PCDHGB2: variants seen among roughly 807,000 people sequenced by gnomAD.
PCDHGB2 encodes protocadherin gamma-B2.
Under a neutral mutation model 59.3 loss-of-function variants are expected in PCDHGB2, and 55 were observed. The observed-to-expected ratio is 0.93, with a 90% CI of 0.75 to 1.16. The LOEUF (loss-of-function observed/expected upper bound fraction) is 1.16, where lower values mean the gene tolerates loss of function less well. Ranked by LOEUF, PCDHGB2 falls within the 50% of genes most tolerant of loss-of-function variation. The pLI is 0.00. For missense variants in PCDHGB2, 1,228 were observed against 1,198.5 expected (o/e 1.02, Z -0.36); for synonymous variants, 516 against 512.0 (o/e 1.01, Z -0.11).
chr5:141,466,984 C>A (rs2099133455), intron 1 of PCDHGB2, among the ~76,000 whole-genome samples: 1 of 151,586 alleles, frequency 6.6e-6, no homozygotes, highest in Non-Finnish European at 1.5e-5. Context: ...CATCATTTAC[C>A]TTTTGGCATT....
intron 1 of PCDHGB2, among the ~76,000 whole-genome samples, chr5:141,456,862 C>T (rs1385304686): frequency 6.6e-6 from 1 of 152,086 alleles, no homozygotes; most frequent in Non-Finnish European, 1.5e-5. Context: ...AATTGGGAGG[C>T]TGAGGCAGGA....
In PCDHGB2 at chr5:141,489,739, G is replaced by A; in HGVS notation, c.2422-5068G>A. On this transcript the variant is annotated intron_variant, in intron 1 of 3. Transcript: ENST00000522605. The surrounding 1 kb of genome is among the most constrained non-coding windows in gnomAD (Gnocchi z 4.5). Reference sequence around the variant, plus strand: ...GGATCCGGATGTGGGCACCAATACTGTGAGCTTTTACACTCTAAGCCCCAA... The same window carrying A: ...GGATCCGGATGTGGGCACCAATACTATGAGCTTTTACACTCTAAGCCCCAA... 3 of 1,614,170 alleles carry A rather than the reference G, an allele frequency of 1.9e-6. No homozygotes were observed. The highest frequency in any genetic ancestry group is 2.2e-5 in the South Asian group (2 of 91,076).
intron 1 of PCDHGB2, chr5:141,390,623 T>C (rs2092193421): frequency 3.8e-6 from 1 of 264,274 alleles, no homozygotes; most frequent in African/African-American, 2.3e-5. Flanking sequence ...TGTTGACTAA[T>C]ATATGATGAA....
At chr5:141,391,312 T>C (rs2092346265) in intron 1 of PCDHGB2, 1 of 151,466 alleles carries the variant, frequency 6.6e-6, no homozygotes, top group African/African-American at 2.4e-5. Flanking sequence ...GATTCTTTTT[T>C]TTTTCTTTTT....
At chr5:141,413,501 G>A (rs772110374) in intron 1 of PCDHGB2, 1 of 1,614,040 alleles carries the variant, frequency 6.2e-7, no homozygotes, top group Non-Finnish European at 8.5e-7. Context: ...TGCGTGGTGA[G>A]TTTTAATATC....
chr5:141,408,801 T>C, intron 1 of PCDHGB2: 1 of 1,613,142 alleles, frequency 6.2e-7, no homozygotes, highest in Admixed American at 1.7e-5. Context: ...GAGAAACTCC[T>C]AGACCGGGAA....
At chr5:141,366,221 G>T (rs774963460) in intron 1 of PCDHGB2, 4 of 1,613,716 alleles carry the variant, frequency 2.5e-6, no homozygotes, top group African/African-American at 2.7e-5. Context: ...CACAGCGCGA[G>T]CCCTGCTGGA....
In PCDHGB2 at chr5:141,489,584, A is replaced by G. The variant is rs775720718; in HGVS notation, c.2422-5223A>G. Reference sequence around the variant, plus strand: ...CAGGTGGTGACTGAACACCCCCTGGAGCTAATCCGTGTAGAGGTAGAGATC... The same window carrying G: ...CAGGTGGTGACTGAACACCCCCTGGGGCTAATCCGTGTAGAGGTAGAGATC... On this transcript the variant is annotated intron_variant, in intron 1 of 3. Coordinates refer to ENST00000522605, the MANE Select transcript of PCDHGB2 (RefSeq NM_018923.3). The surrounding 1 kb of genome is among the most constrained non-coding windows in gnomAD (Gnocchi z 4.5). The G allele has an allele frequency of 6.2e-7, 1 of 1,614,054 alleles. No homozygotes were observed. Among genetic ancestry groups the G allele is most frequent in the South Asian group, 1.1e-5 (1 of 91,078 alleles).
At chr5:141,388,295 C>T (rs766909730) in intron 1 of PCDHGB2, 3 of 1,613,442 alleles carry the variant, frequency 1.9e-6, no homozygotes, top group East Asian at 2.2e-5. Flanking sequence ...CGCAAAATTC[C>T]TTTGAGCTGC....
At chr5:141,422,690 T>C (rs1384522137) in intron 1 of PCDHGB2, 1 of 1,603,790 alleles carries the variant, frequency 6.2e-7, no homozygotes, top group African/African-American at 1.3e-5. Flanking sequence ...AATGCCCTGG[T>C]CACTTACTCT....
chr5:141,403,719 C>T (rs758160960), intron 1 of PCDHGB2: 2 of 1,613,864 alleles, frequency 1.2e-6, no homozygotes, highest in Non-Finnish European at 1.7e-6. Context: ...GAGAACGTGC[C>T]CCCAGGCACC....
intron 1 of PCDHGB2, chr5:141,415,906 A>C (rs2154546200): frequency 1.3e-6 from 1 of 784,990 alleles, no homozygotes; most frequent in East Asian, 3.5e-5. Context: ...ACAGACTTCC[A>C]TACAGAAGTG....
intron 1 of PCDHGB2, chr5:141,395,188 T>C (rs1188356077): frequency 6.2e-7 from 1 of 1,614,128 alleles, no homozygotes; most frequent in East Asian, 2.2e-5. Flanking sequence ...GATTCTTTGT[T>C]AACATCCGTA....
chr5:141,375,013 G>C, intron 1 of PCDHGB2: 2 of 1,614,004 alleles, frequency 1.2e-6, no homozygotes, highest in Non-Finnish European at 1.7e-6. Flanking sequence ...TAGACTATGA[G>C]GACTCGAGTT....
chr5:141,489,229 G>A lies in PCDHGB2; in HGVS notation c.2422-5578G>A, dbSNP rs1188849525. 5.9e-6 allele frequency: 9 copies of A among 1,522,134 alleles called. No homozygotes were observed. In the Admixed American group the frequency reaches 6.4e-5, roughly 11 times the overall value. 94.3% of individuals were successfully genotyped at this position (1,522,134 alleles called of 1,614,324 possible). On this transcript the variant is annotated intron_variant, in intron 1 of 3. Transcript: ENST00000522605. The surrounding 1 kb of genome is among the most constrained non-coding windows in gnomAD (Gnocchi z 4.5). The stretch of plus-strand genomic sequence containing the variant: ...AGCACAGACTTACTCTCCACAAAGG[G>A]ACTTCTGGGTCATGGGGCCCAAGAC...
chr5:141,383,941 A>G (rs754217444), intron 1 of PCDHGB2: 1 of 1,613,742 alleles, frequency 6.2e-7, no homozygotes, highest in African/African-American at 1.3e-5. Flanking sequence ...TCCAGAAGTG[A>G]CTATGACGTC....
Position 141,366,291 on chromosome 5 carries a change from T to C in PCDHGB2, c.2421+3735T>C, listed in dbSNP as rs768290200. 15 of 1,613,746 alleles carry C rather than the reference T, an allele frequency of 9.3e-6. No individual in the cohort carries two copies. The South Asian group carries it at 1.5e-4, about 17-fold the overall frequency. ...GTCGAAGACCATGGCCAGCCCCCTC[T>C]GTCAGCCACCTTCACGGTCACCGTT... On this transcript the variant is annotated intron_variant, in intron 1 of 3. Transcript: ENST00000522605.
At chr5:141,403,614 G>A (rs772617526) in intron 1 of PCDHGB2, 4 of 1,613,750 alleles carry the variant, frequency 2.5e-6, no homozygotes, top group Non-Finnish European at 3.4e-6. Flanking sequence ...GGCGAGCCGC[G>A]TCGCTCCAGC....
At chr5:141,440,484 A>G (rs190024112) in intron 1 of PCDHGB2, 36 of 152,300 alleles carry the variant, frequency 2.4e-4, no homozygotes, top group Non-Finnish European at 4.7e-4. Context: ...AATTCTTTAA[A>G]TGTTTTTCAC....
Sources: allele counts gnomAD v4.1 joint callset (sites outside exome capture counted in the v4.1 genomes callset), GRCh38; gene constraint gnomAD v4.1.1; non-coding constraint Gnocchi (gnomAD v3.1); transcripts MANE v1.5; gene names NCBI Gene and HGNC (gene_info 2026-07-23, HGNC 2026-07-21).